Variants in CCDC171 observed in about 807,000 individuals in gnomAD.
The protein encoded by CCDC171 is coiled-coil domain containing 171.
CCDC171 carries 177 observed loss-of-function variants against 168.2 expected under a neutral mutation model. The ratio of observed to expected loss-of-function variants is 1.05; its 90% CI spans 0.93 to 1.19. CCDC171 has a LOEUF of 1.19. Ranked by LOEUF, CCDC171 falls within the 50% of genes most tolerant of loss-of-function variation. CCDC171 has a pLI of 0.00. For synonymous variants in CCDC171, 687 were observed against 540.8 expected (o/e 1.27, Z -3.75); for missense variants, 1,991 against 1,539.0 (o/e 1.29, Z -4.91).
intron 11 of CCDC171, among the ~76,000 whole-genome samples, chr9:15,720,204 C>T (rs574512682): frequency 6.6e-6 from 1 of 152,068 alleles, no homozygotes; most frequent in Admixed American, 6.6e-5. Context: ...GAGATATCAC[C>T]ATACTCTGAG....
At chr9:15,580,220 A>T (rs1447969006) in intron 4 of CCDC171, among the ~76,000 whole-genome samples, 1 of 152,186 alleles carries the variant, frequency 6.6e-6, no homozygotes, top group East Asian at 1.9e-4. Context: ...AAATCAATTC[A>T]AGATCAAAGA....
At chr9:15,849,276 G>A (rs1462296147) in intron 23 of CCDC171, among the ~76,000 whole-genome samples, 1 of 151,246 alleles carries the variant, frequency 6.6e-6, no homozygotes, top group Non-Finnish European at 1.5e-5. Context: ...TTTTACCACA[G>A]TGTCTAACCT....
intron 21 of CCDC171, among the ~76,000 whole-genome samples, chr9:15,790,023 C>T (rs76981498): frequency 1.1e-4 from 16 of 152,060 alleles, no homozygotes; most frequent in East Asian, 7.7e-4. Context: ...TGGGTTGGTT[C>T]GAAGTCTTTG....
chr9:15,670,177 T>C (rs992030128), intron 9 of CCDC171, among the ~76,000 whole-genome samples: 1 of 152,078 alleles, frequency 6.6e-6, no homozygotes, highest in East Asian at 1.9e-4. Context: ...AGGAGCCAGC[T>C]TTTTTGTCCG....
intron 24 of CCDC171, among the ~76,000 whole-genome samples, chr9:15,904,348 C>T (rs890516345): frequency 6.6e-6 from 1 of 152,170 alleles, no homozygotes; most frequent in African/African-American, 2.4e-5. Flanking sequence ...CTCTACAAGC[C>T]AGAAGACAGT....
rs1385875860 is a variant in CCDC171, at chr9:15,974,031, C to T, written c.*2195C>T. ...ACTCCAAAAATAAATGTGTATGTGTCTCCATATATATGGGTATCTAACTTT... is the reference window on the plus strand; with the variant it reads ...ACTCCAAAAATAAATGTGTATGTGTTTCCATATATATGGGTATCTAACTTT... On this transcript the variant is annotated 3_prime_UTR_variant, in exon 26 of 26. Coordinates refer to ENST00000380701, the MANE Select transcript of CCDC171 (RefSeq NM_173550.4). 6.6e-6 allele frequency: 1 copy of T among 152,036 alleles called. No individual in the cohort carries two copies. The highest frequency in any genetic ancestry group is 1.5e-5 in the Non-Finnish European group (1 of 68,020). The allele number at this position is 152,036 out of a possible 1,614,324, so 9.4% of individuals were successfully genotyped here.
intron 25 of CCDC171, among the ~76,000 whole-genome samples, chr9:15,946,108 G>A (rs1214462230): frequency 1.3e-5 from 2 of 151,922 alleles, no homozygotes; most frequent in Non-Finnish European, 2.9e-5. Context: ...TGGCTAGCCA[G>A]TTTTCCCAGC....
intron 7 of CCDC171, among the ~76,000 whole-genome samples, chr9:15,634,583 T>A (rs1306234743): frequency 6.6e-6 from 1 of 152,180 alleles, no homozygotes; most frequent in African/African-American, 2.4e-5. Flanking sequence ...GTTTGGCTAC[T>A]TGGGGTAAGG....
At chr9:15,808,439 C>T (rs923226579) in intron 21 of CCDC171, among the ~76,000 whole-genome samples, 2 of 152,030 alleles carry the variant, frequency 1.3e-5, no homozygotes, top group African/African-American at 4.8e-5. Context: ...TGATAGAGTC[C>T]AAACAAGAGT....
At chr9:15,994,950 A>G (rs2132927256) in intron 3 of CCDC171, among the ~76,000 whole-genome samples, 1 of 152,310 alleles carries the variant, frequency 6.6e-6, no homozygotes, top group Middle Eastern at 3.4e-3. Context: ...CTTCAAAGTG[A>G]CCACCTTATG....
intron 10 of CCDC171, among the ~76,000 whole-genome samples, chr9:15,694,748 C>T (rs1410184889): frequency 1.3e-5 from 2 of 152,160 alleles, no homozygotes; most frequent in African/African-American, 4.8e-5. Context: ...GCTTCCATTC[C>T]CTACCCCTTC....
chr9:15,986,530 C>T (rs1408880353), intron 3 of CCDC171, among the ~76,000 whole-genome samples: 2 of 152,156 alleles, frequency 1.3e-5, no homozygotes, highest in Admixed American at 1.3e-4. Context: ...TAAAAACTAA[C>T]CTGCTCTCGT....
chr9:15,563,418 G>C (rs942734332), intron 1 of CCDC171, among the ~76,000 whole-genome samples: 3 of 152,106 alleles, frequency 2.0e-5, no homozygotes, highest in Non-Finnish European at 2.9e-5. Flanking sequence ...GATTACAGTC[G>C]TGAGCCACCG....
At chr9:15,708,716 T>C (rs1206937123) in intron 11 of CCDC171, among the ~76,000 whole-genome samples, 2 of 152,134 alleles carry the variant, frequency 1.3e-5, no homozygotes, top group African/African-American at 2.4e-5. Flanking sequence ...GAGATAAAAT[T>C]TTCCCTATAG....
In CCDC171 at chr9:15,972,879, A is replaced by C. The variant is rs1428977083; in HGVS notation, c.*1043A>C. On this transcript the variant is annotated 3_prime_UTR_variant, in exon 26 of 26. Coordinates refer to ENST00000380701, the MANE Select transcript of CCDC171 (RefSeq NM_173550.4). ...CAGCTAGAAAGAGCAAGTGTCTTGC[A>C]ACCAAGTGGTCAAATATCAAATAAT... 2.0e-5 allele frequency: 3 copies of C among 152,160 alleles called. No homozygotes were observed. Among genetic ancestry groups the C allele is most frequent in the African/African-American group, 7.2e-5 (3 of 41,450 alleles). 9.4% of individuals were successfully genotyped at this position (152,160 alleles called of 1,614,324 possible).
At chr9:15,614,636 G>A (rs1344088112) in intron 6 of CCDC171, among the ~76,000 whole-genome samples, 1 of 152,072 alleles carries the variant, frequency 6.6e-6, no homozygotes, top group East Asian at 1.9e-4. Context: ...AAGTTTTCTT[G>A]TTTTTAAATA....
intron 3 of CCDC171, among the ~76,000 whole-genome samples, chr9:16,012,579 T>G (rs1832897934): frequency 1.4e-5 from 2 of 139,012 alleles, no homozygotes; most frequent in Non-Finnish European, 3.1e-5. Context: ...AATTTTTTTT[T>G]TCAAAGAATT....
At chr9:15,999,177 C>G (rs1589311479) in intron 3 of CCDC171, among the ~76,000 whole-genome samples, 1 of 148,830 alleles carries the variant, frequency 6.7e-6, no homozygotes, top group Non-Finnish European at 1.5e-5. Context: ...CATCACTGCA[C>G]TCCAGCCTGG....
At chr9:15,690,780 C>T (rs117146877) in intron 10 of CCDC171, among the ~76,000 whole-genome samples, 24 of 152,032 alleles carry the variant, frequency 1.6e-4, no homozygotes, top group East Asian at 7.7e-4. Flanking sequence ...ATTTATGGAG[C>T]GCTTTTATAA....
Sources: gnomAD v4.1 joint callset for allele counts (sites outside exome capture counted in the v4.1 genomes callset) on GRCh38, gnomAD v4.1.1 for gene constraint, MANE v1.5 for transcripts, NCBI Gene and HGNC (gene_info 2026-07-23, HGNC 2026-07-21) for gene names.